The following GRIN2B variants were observed in gnomAD, a reference collection of about 807,000 sequenced individuals.
The protein encoded by GRIN2B is glutamate receptor ionotropic, NMDA 2B.
In GRIN2B, 5 loss-of-function variants were observed where a neutral mutation model predicts 114.5. The observed-to-expected ratio is 0.04, with a 90% CI of 0.02 to 0.09. GRIN2B has a LOEUF of 0.09. Among genes scored for constraint, GRIN2B ranks in the 10% least tolerant of loss-of-function variants. GRIN2B has a pLI of 1.00. For synonymous variants in GRIN2B, 787 were observed against 745.1 expected (o/e 1.06, Z -0.92); for missense variants, 1,108 against 1,943.5 (o/e 0.57, Z 8.08).
At chr12:13,758,798 A>G (rs1443236365) in intron 3 of GRIN2B, among the ~76,000 whole-genome samples, 1 of 152,170 alleles carries the variant, frequency 6.6e-6, no homozygotes, top group Non-Finnish European at 1.5e-5. Context: ...CTCCGTCATC[A>G]TACTTACACA....
chr12:13,547,981 A>ATATATATATTTTTTTTTTTTTTTTTTTT lies in GRIN2B; in HGVS notation c.*14801_*14802insAAAAAAAAAAAAAAAAAAAATATATATA. The ATATATATATTTTTTTTTTTTTTTTTTTT allele has an allele frequency of 5.8e-5, 4 of 68,592 alleles. No individual in the cohort carries two copies. Among genetic ancestry groups the ATATATATATTTTTTTTTTTTTTTTTTTT allele is most frequent in the South Asian group, 7.3e-4 (1 of 1,378 alleles). 4.2% of individuals were successfully genotyped at this position (68,592 alleles called of 1,614,324 possible). A position where few individuals can be genotyped will look rare whatever the true frequency, so the allele number is the denominator to read the frequency against. ...TGTGTATATATATATATATATATAT[A>ATATATATATTTTTTTTTTTTTTTTTTTT]TTTTTTTTTTTTTTCTGAAAGCTAC... On this transcript the variant is annotated 3_prime_UTR_variant, in exon 14 of 14. Transcript: ENST00000609686.
At chr12:13,738,341 T>C (rs1285752431) in intron 4 of GRIN2B, among the ~76,000 whole-genome samples, 1 of 152,222 alleles carries the variant, frequency 6.6e-6, no homozygotes, top group African/African-American at 2.4e-5. Context: ...AGCCGACACA[T>C]CAAATTTGAA....
At chr12:13,975,975 G>A (rs758154537) in intron 2 of GRIN2B, among the ~76,000 whole-genome samples, 6 of 152,172 alleles carry the variant, frequency 3.9e-5, no homozygotes, top group Non-Finnish European at 7.3e-5. Flanking sequence ...ATAAGGTGGA[G>A]AACATCAAGA....
At position 13,820,126 on chromosome 12, in the gene GRIN2B, A is replaced by T. The variant is rs566655538; in HGVS notation, c.411+45672T>A. Among the ~76,000 whole-genome samples, 34 of 152,300 alleles carry T rather than the reference A, an allele frequency of 2.2e-4. 1 individual carries two copies. In the South Asian group the frequency reaches 7.1e-3, roughly 32 times the overall value. Reference sequence around the variant, plus strand: ...TACCAAATTCCAAGAAATGCCAAAGAGGAAACAAACACAGCCATGCTGACC... The same window carrying T: ...TACCAAATTCCAAGAAATGCCAAAGTGGAAACAAACACAGCCATGCTGACC... On this transcript the variant is annotated intron_variant, in intron 3 of 13. Transcript: ENST00000609686.
chr12:13,761,707 T>G (rs1565528073), intron 3 of GRIN2B, among the ~76,000 whole-genome samples: 1 of 152,204 alleles, frequency 6.6e-6, no homozygotes. Flanking sequence ...AAGAGGTGCC[T>G]TTCTATAAAA....
intron 4 of GRIN2B, among the ~76,000 whole-genome samples, chr12:13,683,313 C>T (rs1360462238): frequency 1.3e-5 from 2 of 152,206 alleles, no homozygotes; most frequent in East Asian, 3.9e-4. Flanking sequence ...AACACACGTA[C>T]ACACTCATAC....
intron 5 of GRIN2B, among the ~76,000 whole-genome samples, chr12:13,660,578 T>C (rs1448958855): frequency 6.6e-6 from 1 of 152,152 alleles, no homozygotes; most frequent in Non-Finnish European, 1.5e-5. Flanking sequence ...CCACTGGGGA[T>C]CAGAGAAGAA....
At chr12:13,767,755 A>G (rs1863825283) in intron 3 of GRIN2B, among the ~76,000 whole-genome samples, 1 of 152,180 alleles carries the variant, frequency 6.6e-6, no homozygotes, top group South Asian at 2.1e-4. Flanking sequence ...TTGTAGGAAA[A>G]TGTCCTCTTT....
At chr12:13,903,661 T>C (rs1362728290) in intron 2 of GRIN2B, among the ~76,000 whole-genome samples, 2 of 152,118 alleles carry the variant, frequency 1.3e-5, no homozygotes, top group South Asian at 2.1e-4. Flanking sequence ...AAATGTTCCA[T>C]ATATGTTTGA....
intron 2 of GRIN2B, among the ~76,000 whole-genome samples, chr12:13,873,683 G>A (rs915618439): frequency 6.6e-6 from 1 of 152,150 alleles, no homozygotes; most frequent in Non-Finnish European, 1.5e-5. Context: ...CAGGGGCTGA[G>A]ACTGTGCCCC....
Position 13,564,530 on chromosome 12 carries a change from C to T in GRIN2B, c.2708G>A (p.Arg903His), listed in dbSNP as rs1555102571. ...NTHSNILRLL[R>H]TAKNMANLSG... ...CAGGTTAGCCATGTTCTTGGCCGTG[C>T]GCAGCAGGCGCAGGATGTTGGAGTG... Residue 903 changes from arginine to histidine, a missense_variant, in exon 14 of 14, where the codon CGC becomes CAC. Arg to His is a conservative substitution (Grantham distance 29). Coordinates refer to ENST00000609686, the MANE Select transcript of GRIN2B (RefSeq NM_000834.5). The surrounding 1 kb of genome is among the most constrained non-coding windows in gnomAD (Gnocchi z 4.8). 1 of 1,614,062 alleles carries T rather than the reference C, an allele frequency of 6.2e-7. No homozygotes were observed. The highest frequency in any genetic ancestry group is 8.5e-7 in the Non-Finnish European group (1 of 1,179,970).
intron 4 of GRIN2B, among the ~76,000 whole-genome samples, chr12:13,705,529 G>A (rs777433024): frequency 6.6e-6 from 1 of 151,984 alleles, no homozygotes; most frequent in Non-Finnish European, 1.5e-5. Flanking sequence ...ACCACAAAGG[G>A]ATTATGTCTG....
intron 10 of GRIN2B, among the ~76,000 whole-genome samples, chr12:13,588,981 A>G (rs959559711): frequency 6.6e-6 from 1 of 152,192 alleles, no homozygotes; most frequent in South Asian, 2.1e-4. Context: ...TGCCTCCCTC[A>G]CTAGACTCTG....
At chr12:13,972,217 T>C (rs752715510) in intron 2 of GRIN2B, among the ~76,000 whole-genome samples, 17 of 152,202 alleles carry the variant, frequency 1.1e-4, no homozygotes, top group Non-Finnish European at 2.2e-4. Context: ...CTTTTCTTTG[T>C]TGTTATTCTT....
intron 4 of GRIN2B, among the ~76,000 whole-genome samples, chr12:13,741,665 T>A (rs912600862): frequency 5.9e-5 from 9 of 152,118 alleles, no homozygotes; most frequent in Admixed American, 2.0e-4. Context: ...CAAGTGATTC[T>A]CACCTAAGCT....
chr12:13,608,915 C>G, intron 9 of GRIN2B, 83 bp from the exon 10 acceptor site: 1 of 976,008 alleles, frequency 1.0e-6, no homozygotes, highest in Non-Finnish European at 1.6e-6. Flanking sequence ...GGGTGAGTCC[C>G]TGCTCAGAGC....
At position 13,549,116 on chromosome 12, in the gene GRIN2B, C is replaced by T. The variant is rs886617874; in HGVS notation, c.*13667G>A. 2.0e-5 allele frequency: 3 copies of T among 152,148 alleles called. No homozygotes were observed. The highest frequency in any genetic ancestry group is 4.1e-4 in the South Asian group (2 of 4,832). 9.4% of individuals were successfully genotyped at this position (152,148 alleles called of 1,614,324 possible). A position where few individuals can be genotyped will look rare whatever the true frequency, so the allele number is the denominator to read the frequency against. ...TCTTCTGCAGCCCAAACTAAAGATA[C>T]TAAAATCTTTGGAAAGATGGATTAT... On this transcript the variant is annotated 3_prime_UTR_variant, in exon 14 of 14. Coordinates refer to ENST00000609686, the MANE Select transcript of GRIN2B (RefSeq NM_000834.5).
At chr12:13,785,572 T>C (rs966726695) in intron 3 of GRIN2B, among the ~76,000 whole-genome samples, 5 of 152,168 alleles carry the variant, frequency 3.3e-5, no homozygotes, top group Non-Finnish European at 7.3e-5. Flanking sequence ...TTGCAATCAC[T>C]CACCAAAGTC....
chr12:13,676,228 C>G (rs573534738), intron 4 of GRIN2B, among the ~76,000 whole-genome samples: 1 of 152,180 alleles, frequency 6.6e-6, no homozygotes, highest in South Asian at 2.1e-4. Flanking sequence ...GGAAAAACAG[C>G]AAATGCATGC....
Sources: gnomAD v4.1 joint callset for allele counts (sites outside exome capture counted in the v4.1 genomes callset) on GRCh38, gnomAD v4.1.1 for gene constraint, Gnocchi (gnomAD v3.1) non-coding constraint, MANE v1.5 for transcripts, NCBI Gene and HGNC (gene_info 2026-07-23, HGNC 2026-07-21) for gene names.